Variants in PCDHGA8 observed in about 807,000 individuals in gnomAD.
The protein encoded by PCDHGA8 is protocadherin gamma subfamily A, 8, also known as protocadherin gamma-A8.
In PCDHGA8, 45 loss-of-function variants were observed where a neutral mutation model predicts 59.2. The observed-to-expected ratio is 0.76, with a 90% CI of 0.60 to 0.98. The LOEUF (loss-of-function observed/expected upper bound fraction) is 0.98. PCDHGA8 is among the 50% of genes least tolerant of loss of function. The pLI is 0.00. For synonymous variants in PCDHGA8, 531 were observed against 519.0 expected, an observed-to-expected ratio of 1.02 and a Z score of -0.32; for missense variants, 1,257 against 1,196.2, an observed-to-expected ratio of 1.05 and a Z score of -0.75.
rs368105487 is a variant in PCDHGA8 at position 141,489,478 on chromosome 5, A to G, written c.2425-5329A>G. On this transcript the variant is annotated intron_variant, in intron 1 of 3. Transcript: ENST00000398604. This position sits in a 1 kb window ranked among gnomAD's most constrained non-coding sequence, Gnocchi z 4.5. Reference sequence around the variant, plus strand: ...TGGGCGCTATTTTTCCCTGAGCTTGATGAGTGGTGCCCTGGCAGTGAATCA... The same window carrying G: ...TGGGCGCTATTTTTCCCTGAGCTTGGTGAGTGGTGCCCTGGCAGTGAATCA... The G allele has an allele frequency of 1.1e-5, 18 of 1,613,956 alleles. No individual in the cohort carries two copies. The highest frequency in any genetic ancestry group is 1.5e-5 in the Non-Finnish European group (18 of 1,180,030).
rs994009107 is a variant in PCDHGA8 at position 141,490,364 on chromosome 5, G to A, written c.2425-4443G>A. ...ACAGTAGTGGGGTTGTTTAATGTGC[G>A]AGACCGGGACTCAGGTAGAAATGGT... On this transcript the variant is annotated intron_variant, in intron 1 of 3. Transcript: ENST00000398604. The surrounding 1 kb of genome is among the most constrained non-coding windows in gnomAD (Gnocchi z 5.4). 7 of 1,614,056 alleles carry A rather than the reference G, an allele frequency of 4.3e-6. No individual in the cohort carries two copies. In the African/African-American group the frequency reaches 5.3e-5, roughly 12 times the overall value.
At chr5:141,441,920 A>G (rs1276085080) in intron 1 of PCDHGA8, 8 of 352,988 alleles carry the variant, frequency 2.3e-5, no homozygotes, top group East Asian at 8.9e-5. Context: ...GTGAGACACA[A>G]TGCGTGGCTG....
intron 1 of PCDHGA8, chr5:141,400,694 C>T: frequency 1.3e-6 from 1 of 763,776 alleles, no homozygotes; most frequent in South Asian, 1.9e-5. Context: ...GTTTTTATGT[C>T]GCATAAAAGA....
At chr5:141,472,786 G>A (rs549389294) in intron 1 of PCDHGA8, among the ~76,000 whole-genome samples, 1 of 151,888 alleles carries the variant, frequency 6.6e-6, no homozygotes, top group Non-Finnish European at 1.5e-5. Flanking sequence ...GGGAGTTCAA[G>A]ATCAGCCTGA....
chr5:141,450,569 T>G (rs1325535745), intron 1 of PCDHGA8, among the ~76,000 whole-genome samples: 1 of 149,800 alleles, frequency 6.7e-6, no homozygotes, highest in African/African-American at 2.5e-5. Flanking sequence ...TCACTGCAAC[T>G]TCTGCCTCCC....
intron 1 of PCDHGA8, among the ~76,000 whole-genome samples, chr5:141,455,028 G>A (rs2098810519): frequency 6.6e-6 from 1 of 150,780 alleles, no homozygotes; most frequent in Non-Finnish European, 1.5e-5. Flanking sequence ...TAGCCAGGAT[G>A]GTCTCGATCT....
rs2097504446 is a variant in PCDHGA8, at chr5:141,432,472, T to C, written c.2424+37235T>C. The C allele has an allele frequency of 9.9e-6, 16 of 1,614,012 alleles. No homozygotes were observed. Among genetic ancestry groups the C allele is most frequent in the Non-Finnish European group, 1.4e-5 (16 of 1,180,036 alleles). ...TGTACCCCGCCCTCCCCACGGACGG[T>C]TCCACTGGCGTGGAGCTGGCTCCCC... On this transcript the variant is annotated intron_variant, in intron 1 of 3. Transcript: ENST00000398604. This position sits in a 1 kb window ranked among gnomAD's most constrained non-coding sequence, Gnocchi z 6.0.
chr5:141,492,079 G>C (rs1400390407), intron 1 of PCDHGA8: 3 of 486,286 alleles, frequency 6.2e-6, no homozygotes, highest in South Asian at 4.1e-5. Flanking sequence ...CGCCGGCTCC[G>C]GCACGCTTCG....
chr5:141,501,296 C>T (rs4912760), intron 2 of PCDHGA8, among the ~76,000 whole-genome samples: 1,659 of 80,026 alleles, frequency 0.021, 16 homozygotes, highest in African/African-American at 0.042. Flanking sequence ...CTTATACACA[C>T]ACACACACAC....
chr5:141,413,962 AC>A, intron 1 of PCDHGA8: 1 of 1,613,404 alleles, frequency 6.2e-7, no homozygotes, highest in Non-Finnish European at 8.5e-7. Context: ...GCCTGTGGGC[AC>A]TCAGCTGCTG....
intron 1 of PCDHGA8, among the ~76,000 whole-genome samples, chr5:141,457,046 T>A (rs2098905373): frequency 6.6e-6 from 1 of 152,198 alleles, no homozygotes; most frequent in South Asian, 2.1e-4. Flanking sequence ...ATAGTAAAAC[T>A]TTCATGCTTC....
chr5:141,424,504 G>A (rs1357608806), intron 1 of PCDHGA8: 2 of 152,134 alleles, frequency 1.3e-5, no homozygotes, highest in East Asian at 1.9e-4. Flanking sequence ...TGTATGGAAG[G>A]TTTTTTAATG....
chr5:141,478,428 C>T (rs2154576655), intron 1 of PCDHGA8: 1 of 1,613,746 alleles, frequency 6.2e-7, no homozygotes, highest in Non-Finnish European at 8.5e-7. Flanking sequence ...CGCAGCGACC[C>T]GCTGCTGAAG....
intron 1 of PCDHGA8, among the ~76,000 whole-genome samples, chr5:141,467,109 A>G (rs1431550069): frequency 2.0e-5 from 3 of 150,594 alleles, no homozygotes; most frequent in African/African-American, 4.9e-5. Context: ...CTGGAGTACA[A>G]TGGTGCAATC....
Position 141,393,525 on chromosome 5 carries a change from A to G in PCDHGA8, c.712A>G (p.Asn238Asp). The part of the protein sequence containing the change: ...IHVTVLDTND[N>D]APVFPHPIYR... Reference sequence around the variant, plus strand: ...CGTGACAGTGTTGGATACAAATGACAATGCCCCGGTTTTTCCTCACCCGAT... The same window carrying G: ...CGTGACAGTGTTGGATACAAATGACGATGCCCCGGTTTTTCCTCACCCGAT... The change falls in exon 1 of 4, where the codon AAT becomes GAT. Residue 238 changes from asparagine (N) to aspartate (D), a missense_variant. Coordinates refer to ENST00000398604, the MANE Select transcript of PCDHGA8 (RefSeq NM_032088.2). The G allele has an allele frequency of 6.2e-7, 1 of 1,613,922 alleles. No individual in the cohort carries two copies. Among genetic ancestry groups the G allele is most frequent in the Non-Finnish European group, 8.5e-7 (1 of 1,179,900 alleles).
rs768509409 is a variant in PCDHGA8 at position 141,489,236 on chromosome 5, G to C, written c.2425-5571G>C. 1 of 1,531,176 alleles carries C rather than the reference G, an allele frequency of 6.5e-7. No homozygotes were observed. 94.8% of individuals were successfully genotyped at this position (1,531,176 alleles called of 1,614,324 possible). On this transcript the variant is annotated intron_variant, in intron 1 of 3. Transcript: ENST00000398604. The surrounding 1 kb of genome is among the most constrained non-coding windows in gnomAD (Gnocchi z 4.5). The stretch of plus-strand genomic sequence containing the variant: ...ACTTACTCTCCACAAAGGGACTTCT[G>C]GGTCATGGGGCCCAAGACACTCCCA...
chr5:141,419,259 C>G, intron 1 of PCDHGA8: 4 of 1,614,016 alleles, frequency 2.5e-6, no homozygotes, highest in Non-Finnish European at 2.5e-6. Context: ...AACAACCAGC[C>G]GGGTGCCTCC....
intron 1 of PCDHGA8, chr5:141,478,429 G>C: frequency 6.2e-7 from 1 of 1,613,674 alleles, no homozygotes; most frequent in Non-Finnish European, 8.5e-7. Flanking sequence ...GCAGCGACCC[G>C]CTGCTGAAGA....
intron 1 of PCDHGA8, among the ~76,000 whole-genome samples, chr5:141,473,267 C>G (rs1458810488): frequency 1.3e-5 from 2 of 152,248 alleles, no homozygotes; most frequent in African/African-American, 2.4e-5. Flanking sequence ...TTAGTGTATG[C>G]TATGATTATT....
Sources: allele counts gnomAD v4.1 joint callset (sites outside exome capture counted in the v4.1 genomes callset), GRCh38; gene constraint gnomAD v4.1.1; non-coding constraint Gnocchi (gnomAD v3.1); transcripts MANE v1.5; gene names NCBI Gene and HGNC (gene_info 2026-07-23, HGNC 2026-07-21).